The following MYH14 variants were observed in gnomAD, a reference collection of about 807,000 sequenced individuals.
MYH14 encodes myosin heavy chain 14.
MYH14 carries 123 observed loss-of-function variants against 255.5 expected under a neutral mutation model. The observed-to-expected ratio is 0.48, with a 90% confidence interval of 0.42 to 0.56. MYH14 has a LOEUF of 0.56. MYH14 is among the 20% of genes least tolerant of loss of function. MYH14 has a pLI of 0.00. For missense variants in MYH14, 2,423 were observed against 2,802.3 expected, an observed-to-expected ratio of 0.86 and a Z score of 3.06; for synonymous variants, 1,095 against 1,161.2, an observed-to-expected ratio of 0.94 and a Z score of 1.16.
intron 2 of MYH14, 130 bp downstream of exon 2, chr19:50,210,900 C>A: frequency 1.4e-6 from 2 of 1,420,314 alleles, no homozygotes; most frequent in South Asian, 1.5e-5. Context: ...CGTGACTGTT[C>A]CTACACTTAC....
intron 5 of MYH14, 106 bp from the exon 6 acceptor site, chr19:50,224,048 C>CCCCCCCCCCCCCCCCCCCCCCCCA: frequency 1.3e-6 from 1 of 744,428 alleles, no homozygotes; most frequent in Non-Finnish European, 2.3e-6. Flanking sequence ...GTCCCCCTTC[C>CCCCCCCCCCCCCCCCCCCCCCCCA]CCCACCCCCC....
intron 24 of MYH14, among the ~76,000 whole-genome samples, chr19:50,268,756 TC>T (rs1287294763): frequency 1.3e-5 from 2 of 152,162 alleles, no homozygotes; most frequent in South Asian, 2.1e-4. Flanking sequence ...CCAAGTGATA[TC>T]CTCAGCTTCA....
chr19:50,220,026 C>A (rs553459807), intron 3 of MYH14, among the ~76,000 whole-genome samples: 83 of 152,042 alleles, frequency 5.5e-4, no homozygotes, highest in Non-Finnish European at 1.1e-3. Context: ...CATAACAAGA[C>A]CCTGTCTCTA....
At chr19:50,275,329 G>A (rs2035464612) in intron 27 of MYH14, among the ~76,000 whole-genome samples, 1 of 152,184 alleles carries the variant, frequency 6.6e-6, no homozygotes, top group Non-Finnish European at 1.5e-5. Flanking sequence ...GCTGTAAGGA[G>A]GGACTCCGGG....
Position 50,250,710 on chromosome 19 carries a change from G to A in MYH14, c.1830+22G>A. On this transcript the variant is annotated intron_variant, in intron 15 of 42. Coordinates refer to ENST00000642316, the MANE Select transcript of MYH14 (RefSeq NM_001145809.2). This position sits in a 1 kb window ranked among gnomAD's most constrained non-coding sequence, Gnocchi z 5.4. ...CAAGGTAGGGGCTGGGGCCGGCCTT[G>A]GGGCATGTGGGAGTGGGGATCAAGG... is the stretch of plus-strand genomic sequence containing the variant. The A allele has an allele frequency of 6.3e-7, 1 of 1,596,826 alleles. No individual in the cohort carries two copies. Among genetic ancestry groups the A allele is most frequent in the Non-Finnish European group, 8.6e-7 (1 of 1,167,696 alleles).
Position 50,271,860 on chromosome 19 carries a change from G to A in MYH14, c.3183G>A (p.Leu1061=), listed in dbSNP as rs776133741. The A allele has an allele frequency of 1.5e-5, 25 of 1,613,288 alleles. No homozygotes were observed. Among genetic ancestry groups the A allele is most frequent in the Middle Eastern group, 1.7e-4 (1 of 5,772 alleles). ...QNSKLSKERK[L]LEDRLAEFSS... Reference sequence around the variant, plus strand: ...ACTCCACCCCTCAGGAGCGGAAGCTGCTGGAAGATCGTCTGGCCGAGTTCT... The same window carrying A: ...ACTCCACCCCTCAGGAGCGGAAGCTACTGGAAGATCGTCTGGCCGAGTTCT... The change falls in exon 26 of 43, where the codon CTG becomes CTA. Residue 1061 remains leucine (L), a synonymous_variant. Transcript: ENST00000642316.
At chr19:50,281,975 C>T in intron 33 of MYH14, 133 bp downstream of exon 33, 1 of 918,824 alleles carries the variant, frequency 1.1e-6, no homozygotes, top group East Asian at 2.6e-5. Context: ...AAGCAAGACC[C>T]TTCTTTGCTC....
At chr19:50,239,650 T>C (rs996406360) in intron 10 of MYH14, among the ~76,000 whole-genome samples, 3 of 151,600 alleles carry the variant, frequency 2.0e-5, no homozygotes, top group Non-Finnish European at 2.9e-5. Context: ...CCCCGGTTCA[T>C]GCCATTCTCC....
At position 50,259,280 on chromosome 19, in the gene MYH14, G is replaced by A. The variant is rs2034729965; in HGVS notation, c.2354+15G>A. The A allele has an allele frequency of 6.4e-7, 1 of 1,561,314 alleles. No individual in the cohort carries two copies. Among genetic ancestry groups the A allele is most frequent in the African/African-American group, 1.4e-5 (1 of 73,538 alleles). On this transcript the variant is annotated intron_variant, in intron 19 of 42. Transcript: ENST00000642316. Reference sequence around the variant, plus strand: ...TTCCGGCAGCGGTGAGCTAGAGCGAGGGCCCAGGCCCGGCGGAGGGGCTGG... The same window carrying A: ...TTCCGGCAGCGGTGAGCTAGAGCGAAGGCCCAGGCCCGGCGGAGGGGCTGG...
At position 50,276,671 on chromosome 19, in the gene MYH14, T is replaced by G; in HGVS notation, c.3681-86T>G. 1.9e-6 allele frequency: 3 copies of G among 1,560,686 alleles called. No homozygotes were observed. Among genetic ancestry groups the G allele is most frequent in the South Asian group, 1.1e-5 (1 of 89,592 alleles). On this transcript the variant is annotated intron_variant, in intron 28 of 42. Coordinates refer to ENST00000642316, the MANE Select transcript of MYH14 (RefSeq NM_001145809.2). This position sits in a 1 kb window ranked among gnomAD's most constrained non-coding sequence, Gnocchi z 4.3. Reference sequence around the variant, plus strand: ...GAGGCCCTCATATTTTAAGGAAACATGAAAAGGAGAAACAACCAGCTCCCC... The same window carrying G: ...GAGGCCCTCATATTTTAAGGAAACAGGAAAAGGAGAAACAACCAGCTCCCC...
At chr19:50,206,308 G>T (rs936392198) in intron 1 of MYH14, among the ~76,000 whole-genome samples, 21 of 151,762 alleles carry the variant, frequency 1.4e-4, no homozygotes, top group African/African-American at 4.8e-4. Flanking sequence ...TGGGGGCTTG[G>T]ACTCTTGGCT....
intron 1 of MYH14, among the ~76,000 whole-genome samples, chr19:50,207,273 G>GAGAGAGAGAA: frequency 1.8e-5 from 2 of 108,218 alleles, no homozygotes; most frequent in African/African-American, 7.5e-5. Context: ...GAGAGAGACA[G>GAGAGAGAGAA]AGAGAGAGAG....
At chr19:50,304,567 G>T (rs2036595367) in intron 40 of MYH14, among the ~76,000 whole-genome samples, 1 of 152,120 alleles carries the variant, frequency 6.6e-6, no homozygotes, top group African/African-American at 2.4e-5. Flanking sequence ...TCTAGCCTGG[G>T]CAACAGAGCA....
At chr19:50,227,543 CCCTT>C (rs2033168908) in intron 8 of MYH14, among the ~76,000 whole-genome samples, 1 of 152,042 alleles carries the variant, frequency 6.6e-6, no homozygotes, top group Non-Finnish European at 1.5e-5. Flanking sequence ...TTTGCACAAA[CCCTT>C]TAGGTCTAGC....
At chr19:50,301,556 G>C (rs992089977) in intron 39 of MYH14, 105 bp from the exon 40 acceptor site, 15 of 757,014 alleles carry the variant, frequency 2.0e-5, no homozygotes, top group African/African-American at 3.4e-5. Flanking sequence ...TGTGCTATGC[G>C]TGTGACAATC....
rs952102978 is a variant in MYH14 at position 50,309,287 on chromosome 19, G to A, written c.5960+110G>A. ...AACAACAGGGGGAAATGGGATCCAC[G>A]GGGGTGTGGGGCTGTGGGAGCAGCG... On this transcript the variant is annotated intron_variant, in intron 42 of 42. Transcript: ENST00000642316. The A allele has an allele frequency of 1.2e-5, 13 of 1,101,862 alleles. No homozygotes were observed. The Admixed American group carries it at 1.4e-4, about 12-fold the overall frequency. 68.3% of individuals were successfully genotyped at this position (1,101,862 alleles called of 1,614,324 possible). A position where few individuals can be genotyped will look rare whatever the true frequency, so the allele number is the denominator to read the frequency against.
rs1418469041 is a variant in MYH14 at position 50,271,659 on chromosome 19, G to A, written c.3171+113G>A. 1.6e-5 allele frequency: 24 copies of A among 1,475,768 alleles called. No individual in the cohort carries two copies. In the East Asian group the frequency reaches 2.7e-4, roughly 17 times the overall value. 91.4% of individuals were successfully genotyped at this position (1,475,768 alleles called of 1,614,324 possible). On this transcript the variant is annotated intron_variant, in intron 25 of 42. Transcript: ENST00000642316. ...ACACTGCGGTTCTCAGGTGTGCACCGGTGGGGGTGGGATGGGTCTATAGCC... is the reference window on the plus strand; with the variant it reads ...ACACTGCGGTTCTCAGGTGTGCACCAGTGGGGGTGGGATGGGTCTATAGCC...
chr19:50,213,245 G>A (rs916620184), intron 2 of MYH14, among the ~76,000 whole-genome samples: 2 of 152,092 alleles, frequency 1.3e-5, no homozygotes, highest in South Asian at 2.1e-4. Flanking sequence ...CACTGCATCC[G>A]GCCACTCTTT....
intron 27 of MYH14, 121 bp downstream of exon 27, chr19:50,272,852 C>T: frequency 6.3e-6 from 6 of 958,158 alleles, no homozygotes; most frequent in Non-Finnish European, 9.3e-6. Context: ...CAGCCACAGA[C>T]AGGCCACATC....
Sources: allele counts gnomAD v4.1 joint callset (sites outside exome capture counted in the v4.1 genomes callset), GRCh38; gene constraint gnomAD v4.1.1; non-coding constraint Gnocchi (gnomAD v3.1); transcripts MANE v1.5; gene names NCBI Gene and HGNC (gene_info 2026-07-23, HGNC 2026-07-21).